The following CCBE1 variants were observed in gnomAD, a reference collection of about 807,000 sequenced individuals.
The protein encoded by CCBE1 is collagen and calcium binding EGF domains 1.
In CCBE1, 37 loss-of-function variants were observed where a neutral mutation model predicts 50.0. That is an observed-to-expected ratio of 0.74 (90% CI 0.57 to 0.97). CCBE1 has a LOEUF of 0.97. CCBE1 is among the 50% of genes least tolerant of loss of function. CCBE1 has a pLI of 0.00. For synonymous variants in CCBE1, 234 were observed against 203.7 expected, an observed-to-expected ratio of 1.15 and a Z score of -1.27; for missense variants, 538 against 523.8, an observed-to-expected ratio of 1.03 and a Z score of -0.26.
intron 2 of CCBE1, among the ~76,000 whole-genome samples, chr18:59,491,835 C>CAAACAAACAA (rs71177029): frequency 6.7e-6 from 1 of 148,626 alleles, no homozygotes; most frequent in African/African-American, 2.5e-5. Context: ...AACAAACAAA[C>CAAACAAACAA]AAAAAAAAAC....
At chr18:59,593,318 G>C (rs2053301858) in intron 2 of CCBE1, among the ~76,000 whole-genome samples, 1 of 152,194 alleles carries the variant, frequency 6.6e-6, no homozygotes, top group Non-Finnish European at 1.5e-5. Flanking sequence ...TTGCCACCCA[G>C]GACAATTCTA....
At chr18:59,449,075 A>T (rs62096130) in intron 6 of CCBE1, among the ~76,000 whole-genome samples, 12,709 of 152,162 alleles carry the variant, frequency 0.084, 636 homozygotes, top group African/African-American at 0.14. Context: ...ATCCAATTTT[A>T]TCATCTGCTT....
chr18:59,503,809 TC>T (rs1913739883), intron 2 of CCBE1, among the ~76,000 whole-genome samples: 5 of 152,200 alleles, frequency 3.3e-5, no homozygotes, highest in Admixed American at 3.3e-4. Flanking sequence ...GACTTTATCT[TC>T]CCATCATGAC....
chr18:59,466,009 C>G (rs375325698), intron 5 of CCBE1, among the ~76,000 whole-genome samples: 3 of 152,098 alleles, frequency 2.0e-5, no homozygotes, highest in East Asian at 3.8e-4. Flanking sequence ...ATTCTCTTCC[C>G]TAGGTCCCAT....
intron 2 of CCBE1, among the ~76,000 whole-genome samples, chr18:59,614,948 A>G (rs1047501055): frequency 2.0e-5 from 3 of 152,258 alleles, no homozygotes; most frequent in Admixed American, 2.0e-4. Flanking sequence ...TTCTTAGTCA[A>G]TAGCACATCT....
Position 59,539,246 on chromosome 18 carries a change from G to A in CCBE1, c.213-59008C>T, listed in dbSNP as rs144403086. Among the ~76,000 whole-genome samples the A allele has an allele frequency of 1.2e-3, 181 of 152,076 alleles. 1 individual carries two copies. The highest frequency in any genetic ancestry group is 4.1e-3 in the African/African-American group (171 of 41,472). ...AAGAAAATAATGACAGACCGTGACT[G>A]CCATCTTGCTGGCTCTCCCTGGGGC... On this transcript the variant is annotated intron_variant, in intron 2 of 10. Transcript: ENST00000439986.
intron 2 of CCBE1, among the ~76,000 whole-genome samples, chr18:59,626,412 G>C (rs2053785731): frequency 6.6e-6 from 1 of 152,158 alleles, no homozygotes; most frequent in Admixed American, 6.5e-5. Context: ...TATTTTCAGG[G>C]GCAGGAGGGT....
chr18:59,551,505 A>G (rs1223110047), intron 2 of CCBE1, among the ~76,000 whole-genome samples: 1 of 152,330 alleles, frequency 6.6e-6, no homozygotes, highest in East Asian at 1.9e-4. Flanking sequence ...CGATGCCACC[A>G]TGGCTATATC....
At chr18:59,621,763 A>C (rs2053713242) in intron 2 of CCBE1, among the ~76,000 whole-genome samples, 1 of 152,166 alleles carries the variant, frequency 6.6e-6, no homozygotes, top group African/African-American at 2.4e-5. Context: ...AAAGTAAGGG[A>C]AGGCCTATTT....
intron 2 of CCBE1, among the ~76,000 whole-genome samples, chr18:59,663,531 G>A (rs925869715): frequency 1.3e-5 from 2 of 152,078 alleles, no homozygotes; most frequent in Non-Finnish European, 2.9e-5. Flanking sequence ...TGAGAGCAAG[G>A]AGGATGGAAG....
intron 2 of CCBE1, among the ~76,000 whole-genome samples, chr18:59,507,314 C>T (rs573010599): frequency 2.6e-5 from 4 of 152,256 alleles, no homozygotes; most frequent in Non-Finnish European, 5.9e-5. Context: ...ATTTCTACAA[C>T]TGCCACTACC....
intron 2 of CCBE1, among the ~76,000 whole-genome samples, chr18:59,693,003 C>CACACAA (rs1278264661): frequency 2.7e-5 from 4 of 145,970 alleles, no homozygotes; most frequent in African/African-American, 1.0e-4. Context: ...CACACACACA[C>CACACAA]AAACAAAAAA....
intron 2 of CCBE1, among the ~76,000 whole-genome samples, chr18:59,667,195 G>T (rs1375075520): frequency 6.6e-6 from 1 of 152,148 alleles, no homozygotes; most frequent in Non-Finnish European, 1.5e-5. Context: ...TTTAAGCCCA[G>T]GAGTTCAAGG....
At chr18:59,691,343 A>G (rs937740366) in intron 2 of CCBE1, among the ~76,000 whole-genome samples, 4 of 152,224 alleles carry the variant, frequency 2.6e-5, no homozygotes, top group African/African-American at 7.2e-5. Flanking sequence ...TGTGTCATTC[A>G]GGTCATTCTG....
At chr18:59,470,144 G>T (rs1031581439) in intron 3 of CCBE1, among the ~76,000 whole-genome samples, 2 of 152,186 alleles carry the variant, frequency 1.3e-5, no homozygotes, top group African/African-American at 4.8e-5. Context: ...ATTTATAAAG[G>T]AAAGAGGTTT....
chr18:59,697,247 C>T lies in CCBE1; in HGVS notation c.96G>A (p.Thr32=). The T allele has an allele frequency of 6.5e-7, 1 of 1,549,274 alleles. No homozygotes were observed. Among genetic ancestry groups the T allele is most frequent in the Non-Finnish European group, 8.7e-7 (1 of 1,146,728 alleles). ...CCTCCGGCTCCTCTCTGTAGGTCCA[C>T]GTGTGTCCCAACGCCAGGAGCAGCA... ...PLLLLLALGH[T]WTYREEPEDG... Residue 32 remains threonine, a synonymous_variant, in exon 1 of 11, where the codon ACG becomes ACA. Transcript: ENST00000439986.
chr18:59,619,613 T>C (rs1380627722), intron 2 of CCBE1, among the ~76,000 whole-genome samples: 5 of 152,240 alleles, frequency 3.3e-5, no homozygotes, highest in Non-Finnish European at 7.3e-5. Flanking sequence ...CATTTAACTG[T>C]ACTCATTTTA....
At chr18:59,573,552 A>C (rs1241970706) in intron 2 of CCBE1, among the ~76,000 whole-genome samples, 2 of 151,838 alleles carry the variant, frequency 1.3e-5, no homozygotes, top group Non-Finnish European at 2.9e-5. Flanking sequence ...AGGACTCCTG[A>C]CCAACATATA....
chr18:59,531,701 G>A (rs1025112328), intron 2 of CCBE1, among the ~76,000 whole-genome samples: 1 of 152,122 alleles, frequency 6.6e-6, no homozygotes, highest in Non-Finnish European at 1.5e-5. Context: ...CTGTGGTCCT[G>A]CCACTGCACT....
Sources: allele counts gnomAD v4.1 joint callset (sites outside exome capture counted in the v4.1 genomes callset), GRCh38; gene constraint gnomAD v4.1.1; transcripts MANE v1.5; gene names NCBI Gene and HGNC (gene_info 2026-07-23, HGNC 2026-07-21).